The following GRIK1 variants were observed in gnomAD, a reference collection of about 807,000 sequenced individuals.
The protein encoded by GRIK1 is glutamate receptor ionotropic, kainate 1.
In GRIK1, 69 loss-of-function variants were observed where a neutral mutation model predicts 105.7. The observed-to-expected ratio is 0.65, with a 90% CI of 0.54 to 0.80. GRIK1 has a LOEUF of 0.80. GRIK1 is among the 30% of genes least tolerant of loss of function. GRIK1 has a pLI of 0.00. For missense variants in GRIK1, 1,109 were observed against 1,167.3 expected, an observed-to-expected ratio of 0.95 and a Z score of 0.73; for synonymous variants, 438 against 431.3, an observed-to-expected ratio of 1.02 and a Z score of -0.19.
intron 13 of GRIK1, 54 bp downstream of exon 13, chr21:29,581,371 A>G: frequency 4.0e-6 from 4 of 1,008,338 alleles, no homozygotes; most frequent in Non-Finnish European, 6.3e-6. Flanking sequence ...ACCAGCATGA[A>G]AGCCTGTCAG....
At chr21:29,850,495 C>T (rs1347960735) in intron 1 of GRIK1, among the ~76,000 whole-genome samples, 1 of 152,144 alleles carries the variant, frequency 6.6e-6, no homozygotes, top group Non-Finnish European at 1.5e-5. Flanking sequence ...CCCCTGGCCA[C>T]TCCTATTCAA....
chr21:29,793,434 T>C (rs2066478242), intron 1 of GRIK1, among the ~76,000 whole-genome samples: 1 of 152,124 alleles, frequency 6.6e-6, no homozygotes, highest in Non-Finnish European at 1.5e-5. Flanking sequence ...GTATATTCAG[T>C]GGAGTGCATG....
At chr21:29,825,441 A>G (rs1271483931) in intron 1 of GRIK1, among the ~76,000 whole-genome samples, 1 of 152,052 alleles carries the variant, frequency 6.6e-6, no homozygotes. Context: ...AATTTACAGA[A>G]TCTTGATATC....
chr21:29,887,894 C>T (rs1405202074), intron 1 of GRIK1, among the ~76,000 whole-genome samples: 1 of 152,018 alleles, frequency 6.6e-6, no homozygotes, highest in Non-Finnish European at 1.5e-5. Context: ...AGTATCCCTC[C>T]AGAGCTAGGG....
chr21:29,694,117 A>AAT (rs2063642561), intron 1 of GRIK1, 54 bp from the exon 2 acceptor site: 7 of 437,514 alleles, frequency 1.6e-5, no homozygotes, highest in Non-Finnish European at 2.7e-5. Flanking sequence ...TTCACATGTA[A>AAT]TTTTTTTTTT....
intron 1 of GRIK1, among the ~76,000 whole-genome samples, chr21:29,803,127 T>C (rs540282534): frequency 6.6e-6 from 1 of 152,300 alleles, no homozygotes; most frequent in South Asian, 2.1e-4. Flanking sequence ...TATCCCTTAA[T>C]AGACAATCTG....
At chr21:29,629,420 G>A (rs2062210987) in intron 7 of GRIK1, among the ~76,000 whole-genome samples, 1 of 151,830 alleles carries the variant, frequency 6.6e-6, no homozygotes, top group African/African-American at 2.4e-5. Flanking sequence ...AAAGAGAATG[G>A]GCATGAAAAA....
At position 29,860,619 on chromosome 21, in the gene GRIK1, C is replaced by T. The variant is rs574615598; in HGVS notation, c.118+78764G>A. The stretch of plus-strand genomic sequence containing the variant: ...TTGGATTGCAATTATTTGTTGACAA[C>T]GCCTTTGGCAATGTGGTTGCTTTAA... On this transcript the variant is annotated intron_variant, in intron 1 of 17. Transcript: ENST00000327783. Among the ~76,000 whole-genome samples, 9 of 152,300 alleles carry T rather than the reference C, an allele frequency of 5.9e-5. No homozygotes were observed. In the South Asian group the frequency reaches 1.2e-3, roughly 21 times the overall value.
At chr21:29,694,117 A>ATTTTTTTTTTTTTTTTT (rs11434895) in intron 1 of GRIK1, 54 bp from the exon 2 acceptor site, 1 of 371,132 alleles carries the variant, frequency 2.7e-6, no homozygotes, top group Non-Finnish European at 4.6e-6. Context: ...TTCACATGTA[A>ATTTTTTTTTTTTTTTTT]TTTTTTTTTT....
At position 29,755,067 on chromosome 21, in the gene GRIK1, T is replaced by C. The variant is rs531962671; in HGVS notation, c.119-61004A>G. On this transcript the variant is annotated intron_variant, in intron 1 of 17. Coordinates refer to ENST00000327783, the MANE Select transcript of GRIK1 (RefSeq NM_001330994.2). Reference sequence around the variant, plus strand: ...GAATCTTAAAATGTTATTTTCTGTATAATCCAAATTTGAGGGTTCATATTT... The same window carrying C: ...GAATCTTAAAATGTTATTTTCTGTACAATCCAAATTTGAGGGTTCATATTT... Among the ~76,000 whole-genome samples, 15 of 152,362 alleles carry C rather than the reference T, an allele frequency of 9.8e-5. No individual in the cohort carries two copies. In the East Asian group the frequency reaches 1.7e-3, roughly 18 times the overall value.
chr21:29,828,635 G>A (rs1448553568), intron 1 of GRIK1, among the ~76,000 whole-genome samples: 1 of 151,992 alleles, frequency 6.6e-6, no homozygotes, highest in Non-Finnish European at 1.5e-5. Context: ...CCAAGTAGCA[G>A]GGACTGTAGC....
chr21:29,537,581 G>A (rs2089900719), intron 17 of GRIK1, 196 bp from the exon 18 acceptor site: 3 of 668,106 alleles, frequency 4.5e-6, no homozygotes, highest in East Asian at 2.6e-5. Flanking sequence ...GAGATGGCAA[G>A]TTAGCTGGGC....
chr21:29,843,317 G>A (rs1488384800), intron 1 of GRIK1, among the ~76,000 whole-genome samples: 2 of 152,084 alleles, frequency 1.3e-5, no homozygotes, highest in Non-Finnish European at 2.9e-5. Flanking sequence ...TTGTAACTTG[G>A]CCTTTTGAGG....
chr21:29,610,927 A>G (rs1424158383), intron 7 of GRIK1, among the ~76,000 whole-genome samples: 1 of 152,184 alleles, frequency 6.6e-6, no homozygotes, highest in Non-Finnish European at 1.5e-5. Context: ...ACCCATATCC[A>G]GAGGCTTCCA....
chr21:29,896,849 T>C (rs971221021), intron 1 of GRIK1, among the ~76,000 whole-genome samples: 1 of 152,164 alleles, frequency 6.6e-6, no homozygotes, highest in African/African-American at 2.4e-5. Context: ...CTCAGCACAG[T>C]GGCTCTGTAA....
chr21:29,795,028 ATTTTT>A (rs66697777), intron 1 of GRIK1, among the ~76,000 whole-genome samples: 1 of 85,228 alleles, frequency 1.2e-5, no homozygotes, highest in African/African-American at 4.9e-5. Flanking sequence ...TTTGCTCTAA[ATTTTT>A]TTTTTTTTTT....
At chr21:29,684,534 T>A (rs1474585984) in intron 3 of GRIK1, among the ~76,000 whole-genome samples, 1 of 151,682 alleles carries the variant, frequency 6.6e-6, no homozygotes, top group East Asian at 1.9e-4. Context: ...TGAGATGGAG[T>A]CTTTGCTCAG....
At position 29,555,223 on chromosome 21, in the gene GRIK1, C is replaced by T. The variant is rs2090221154; in HGVS notation, c.2436G>A (p.Lys812=). The T allele has an allele frequency of 6.2e-7, 1 of 1,613,918 alleles. No homozygotes were observed. Among genetic ancestry groups the T allele is most frequent in the East Asian group, 2.2e-5 (1 of 44,858 alleles). Residue 812 remains lysine (K), a synonymous_variant, in exon 16 of 18, where the codon AAG becomes AAA. Transcript: ENST00000327783. ...CGGGGCAGCCATTCCCACGCCACCA[C>T]TTCTCTTTCATCATATGCAGCTTCC... The part of the protein sequence containing the change: ...EEGKLHMMKE[K]WWRGNGCPEE...
At chr21:29,588,657 A>G (rs1486431190) in intron 11 of GRIK1, among the ~76,000 whole-genome samples, 182 bp downstream of exon 11, 1 of 152,196 alleles carries the variant, frequency 6.6e-6, no homozygotes, top group African/African-American at 2.4e-5. Flanking sequence ...TATTTTTATC[A>G]TTAATTTTTA....
Sources: allele counts gnomAD v4.1 joint callset (sites outside exome capture counted in the v4.1 genomes callset), GRCh38; gene constraint gnomAD v4.1.1; transcripts MANE v1.5; gene names NCBI Gene and HGNC (gene_info 2026-07-23, HGNC 2026-07-21).